The following ZNF888 variants were observed in gnomAD, a reference collection of about 807,000 sequenced individuals.
ZNF888 encodes CTD-2331H12.6.
In ZNF888, 5 loss-of-function variants were observed where a neutral mutation model predicts 7.2. The observed-to-expected ratio is 0.70, with a 90% CI of 0.36 to 1.46. The LOEUF is 1.46. Among genes scored for constraint, ZNF888 ranks in the 40% most tolerant of loss-of-function variants. ZNF888 has a pLI of 0.03. For missense variants in ZNF888, 716 were observed against 858.0 expected (o/e 0.83, Z 2.07); for synonymous variants, 240 against 284.3 (o/e 0.84, Z 1.57).
chr19:52,910,330 A>G (rs753225280), intron 4 of ZNF888, among the ~76,000 whole-genome samples: 1 of 151,924 alleles, frequency 6.6e-6, no homozygotes, highest in African/African-American at 2.4e-5. Flanking sequence ...AAAATTAGCT[A>G]TGCATGGTGG....
chr19:52,916,189 G>T (rs1345016760), intron 3 of ZNF888, among the ~76,000 whole-genome samples: 2 of 152,184 alleles, frequency 1.3e-5, no homozygotes, highest in African/African-American at 4.8e-5. Flanking sequence ...GGCACCTGTG[G>T]TTCCAATTAC....
intron 2 of ZNF888, 31 bp from the exon 3 acceptor site, chr19:52,917,962 A>G: frequency 6.2e-7 from 1 of 1,601,640 alleles, no homozygotes; most frequent in Non-Finnish European, 8.5e-7. Context: ...TGTTAGAAAT[A>G]TGTTGTTTAT....
chr19:52,921,507 T>C (rs376324761), intron 1 of ZNF888, among the ~76,000 whole-genome samples: 40 of 152,312 alleles, frequency 2.6e-4, no homozygotes, highest in African/African-American at 9.6e-4. Context: ...AGGGTTGGTC[T>C]TTATCACCCC....
At chr19:52,918,755 G>A (rs1296488152) in intron 2 of ZNF888, 64 bp downstream of exon 2, 1 of 151,242 alleles carries the variant, frequency 6.6e-6, no homozygotes, top group Non-Finnish European at 1.5e-5. Flanking sequence ...GACAGAATAA[G>A]ACTCTAAAAT....
In ZNF888 at chr19:52,905,546, C is replaced by G; in HGVS notation, c.*619G>C. ...GCCACACTAGTCTCAAACTCCTGAC[C>G]TCAAGAGATCCACCCACCTTGGCCT... is the stretch of plus-strand genomic sequence containing the variant. On this transcript the variant is annotated 3_prime_UTR_variant, in exon 5 of 5. Coordinates refer to ENST00000638862, the MANE Select transcript of ZNF888 (RefSeq NM_001393938.1). The G allele has an allele frequency of 4.4e-6, 1 of 228,752 alleles. No individual in the cohort carries two copies. The highest frequency in any genetic ancestry group is 5.6e-5 in the South Asian group (1 of 17,726). 14.2% of individuals were successfully genotyped at this position (228,752 alleles called of 1,614,324 possible).
Position 52,915,375 on chromosome 19 carries a change from T to C in ZNF888, c.16-53A>G, listed in dbSNP as rs1015603135. On this transcript the variant is annotated intron_variant, in intron 3 of 4. Transcript: ENST00000638862. ...TGGTTATGAGAGGAGATCTTATCTT[T>C]ACAGAAAATGAGAAGAAGAGAGGGG... is the stretch of plus-strand genomic sequence containing the variant. 3.1e-6 allele frequency: 5 copies of C among 1,611,952 alleles called. No homozygotes were observed. In the African/African-American group the frequency reaches 5.3e-5, roughly 17 times the overall value.
At position 52,907,136 on chromosome 19, in the gene ZNF888, G is replaced by A. The variant is rs2064619934; in HGVS notation, c.1186C>T (p.His396Tyr). The stretch of plus-strand genomic sequence containing the variant: ...TGAATTACAATATGCTGTGCCAGGT[G>A]TGAATCATGTCTGAAAGCCTTGTCA... Reference protein sequence around the residue: ...VCDKAFRHDSHLAQHIVIHTR... With the variant: ...VCDKAFRHDSYLAQHIVIHTR... The change falls in exon 5 of 5, where the codon CAC (histidine) becomes TAC (tyrosine). Residue 396 changes from histidine (H) to tyrosine (Y), a missense_variant. Physicochemically the swap from His to Tyr is moderately conservative, Grantham distance 83. Transcript: ENST00000638862. 3 of 1,609,952 alleles carry A rather than the reference G, an allele frequency of 1.9e-6. No homozygotes were observed. The Admixed American group carries it at 5.0e-5, about 27-fold the overall frequency.
In ZNF888 at chr19:52,907,285, C is replaced by G; in HGVS notation, c.1037G>C (p.Arg346Thr). Residue 346 changes from arginine (R) to threonine (T), a missense_variant, in exon 5 of 5, where the codon AGA becomes ACA. Arg to Thr is a moderately conservative substitution (Grantham distance 71, BLOSUM62 -1). Transcript: ENST00000638862. ...NQQSNLARHH[R>T]VHTGEKPYQC... The stretch of plus-strand genomic sequence containing the variant: ...GTAAGGTTTCTCTCCAGTATGAACT[C>G]TATGATGACGTGCAAGGTTTGATTG... 6.2e-7 allele frequency: 1 copy of G among 1,613,354 alleles called. No homozygotes were observed. The highest frequency in any genetic ancestry group is 8.5e-7 in the Non-Finnish European group (1 of 1,179,800).
At chr19:52,912,275 G>A (rs1197277034) in intron 4 of ZNF888, among the ~76,000 whole-genome samples, 9 of 145,614 alleles carry the variant, frequency 6.2e-5, no homozygotes, top group Non-Finnish European at 1.1e-4. Context: ...CACCGCGCCC[G>A]GCTAATTTTT....
intron 3 of ZNF888, among the ~76,000 whole-genome samples, chr19:52,915,758 A>G (rs2064738601): frequency 7.1e-6 from 1 of 140,482 alleles, no homozygotes; most frequent in African/African-American, 2.7e-5. Context: ...TACAGGCATG[A>G]GCCACCATAC....
At chr19:52,912,097 G>A (rs1422510101) in intron 4 of ZNF888, among the ~76,000 whole-genome samples, 4 of 149,564 alleles carry the variant, frequency 2.7e-5, no homozygotes, top group Non-Finnish European at 5.9e-5. Context: ...ACAGGAGTGA[G>A]CCACTGTGCC....
chr19:52,911,351 T>C (rs1419119852), intron 4 of ZNF888, among the ~76,000 whole-genome samples: 5 of 150,724 alleles, frequency 3.3e-5, no homozygotes, highest in Non-Finnish European at 5.9e-5. Flanking sequence ...TCTTTTTTTT[T>C]TTTTTGAGAC....
Position 52,905,998 on chromosome 19 carries a change from T to C in ZNF888, c.*167A>G. On this transcript the variant is annotated 3_prime_UTR_variant, in exon 5 of 5. Coordinates refer to ENST00000638862, the MANE Select transcript of ZNF888 (RefSeq NM_001393938.1). ...GAAGACCTTGCCTCAATCATGACAT[T>C]TGTAAGGTTTCTCTCCAGTATGAGT... 9.2e-7 allele frequency: 1 copy of C among 1,091,218 alleles called. No homozygotes were observed. The highest frequency in any genetic ancestry group is 1.4e-6 in the Non-Finnish European group (1 of 711,776). 67.6% of individuals were successfully genotyped at this position (1,091,218 alleles called of 1,614,324 possible). A position where few individuals can be genotyped will look rare whatever the true frequency, so the allele number is the denominator to read the frequency against.
intron 3 of ZNF888, 61 bp downstream of exon 3, chr19:52,917,798 C>A: frequency 1.2e-6 from 2 of 1,611,932 alleles, no homozygotes; most frequent in East Asian, 2.2e-5. Flanking sequence ...TTTCCCAACT[C>A]CAAGGCCCAG....
At chr19:52,922,466 G>A (rs1480687876) in intron 1 of ZNF888, among the ~76,000 whole-genome samples, 1 of 151,998 alleles carries the variant, frequency 6.6e-6, no homozygotes. Context: ...CTTTCTGTTT[G>A]CTGCCCCTCT....
Position 52,905,109 on chromosome 19 carries a change from T to A in ZNF888, c.*1056A>T, listed in dbSNP as rs1407866557. Reference sequence around the variant, plus strand: ...AACCCATATTGATAGTTTGGAAAAATTAATATTGTTAAGTAATTATATAAC... The same window carrying A: ...AACCCATATTGATAGTTTGGAAAAAATAATATTGTTAAGTAATTATATAAC... On this transcript the variant is annotated 3_prime_UTR_variant, in exon 5 of 5. Transcript: ENST00000638862. 1.3e-5 allele frequency: 2 copies of A among 152,092 alleles called. No individual in the cohort carries two copies. Among genetic ancestry groups the A allele is most frequent in the African/African-American group, 2.4e-5 (1 of 41,386 alleles). 9.4% of individuals were successfully genotyped at this position (152,092 alleles called of 1,614,324 possible).
At chr19:52,916,495 T>C (rs1490974704) in intron 3 of ZNF888, among the ~76,000 whole-genome samples, 1 of 151,444 alleles carries the variant, frequency 6.6e-6, no homozygotes, top group Non-Finnish European at 1.5e-5. Flanking sequence ...TACATATATA[T>C]GTGTATGTAC....
Position 52,907,399 on chromosome 19 carries a change from C to A in ZNF888, c.923G>T (p.Ser308Ile), listed in dbSNP as rs2064623363. ...GTGAACTAAGAGGGCTGACTTGTCA[C>A]TGAACGTCTTGCCACACTCATTACA... Reference protein sequence around the residue: ...YKCNECGKTFSDKSALLVHKT... With the variant: ...YKCNECGKTFIDKSALLVHKT... Residue 308 changes from serine (S) to isoleucine (I), a missense_variant, in exon 5 of 5, where the codon AGT (serine) becomes ATT (isoleucine). By Grantham distance (142) the Ser-to-Ile change is moderately radical. This residue lies in a region of ZNF888 where 697 missense variants were observed against 803.4 expected (regional missense o/e 0.87). Coordinates refer to ENST00000638862, the MANE Select transcript of ZNF888 (RefSeq NM_001393938.1). 2 of 1,612,720 alleles carry A rather than the reference C, an allele frequency of 1.2e-6. No individual in the cohort carries two copies.
chr19:52,911,672 GA>G (rs1485434376), intron 4 of ZNF888, among the ~76,000 whole-genome samples: 3 of 152,002 alleles, frequency 2.0e-5, no homozygotes, highest in Non-Finnish European at 4.4e-5. Flanking sequence ...ACAGTGAAAT[GA>G]CAGAAACAGG....
Sources: allele counts gnomAD v4.1 joint callset (sites outside exome capture counted in the v4.1 genomes callset), GRCh38; gene constraint gnomAD v4.1.1; regional missense constraint gnomAD v4.1.1; transcripts MANE v1.5; gene names NCBI Gene and HGNC (gene_info 2026-07-23, HGNC 2026-07-21).